COL4A5: variants seen among roughly 807,000 people sequenced by gnomAD.
COL4A5 encodes collagen type IV alpha 5 chain.
In COL4A5, 26 loss-of-function variants were observed where a neutral mutation model predicts 130.2. The observed-to-expected ratio is 0.20, with a 90% confidence interval of 0.15 to 0.28. COL4A5 has a LOEUF of 0.28. Ranked by LOEUF, COL4A5 falls within the 10% of genes least tolerant of loss-of-function variation. The pLI is 1.00. For missense variants in COL4A5, 1,131 were observed against 1,344.3 expected (o/e 0.84, Z 2.48); for synonymous variants, 496 against 439.6 (o/e 1.13, Z -1.60).
intron 1 of COL4A5, among the ~76,000 whole-genome samples, chrX:108,530,187 A>G (rs1385121948): frequency 1.8e-5 from 2 of 111,873 alleles, no homozygotes; most frequent in Non-Finnish European, 3.8e-5. Flanking sequence ...TAAAAATTGA[A>G]ATAATATCAG....
At chrX:108,577,680 T>C (rs966844567) in intron 10 of COL4A5, among the ~76,000 whole-genome samples, 11 of 111,241 alleles carry the variant, frequency 9.9e-5, no homozygotes, top group African/African-American at 3.6e-4. Flanking sequence ...AGATTAACTT[T>C]TGAATTGATT....
At chrX:108,450,546 T>G (rs2064498973) in intron 1 of COL4A5, among the ~76,000 whole-genome samples, 1 of 112,296 alleles carries the variant, frequency 8.9e-6, no homozygotes, top group Non-Finnish European at 1.9e-5. Flanking sequence ...AATTTGAGCT[T>G]TTCAAGTAAG....
chrX:108,592,158 GCAATAA>G (rs748027463), intron 21 of COL4A5, among the ~76,000 whole-genome samples: 27 of 111,576 alleles, frequency 2.4e-4, no homozygotes, highest in Non-Finnish European at 4.9e-4. Context: ...ACCAATTAAA[GCAATAA>G]CAAGAGAACT....
At chrX:108,608,341 A>G (rs2066770484) in intron 29 of COL4A5, among the ~76,000 whole-genome samples, 1 of 111,746 alleles carries the variant, frequency 8.9e-6, no homozygotes, top group Non-Finnish European at 1.9e-5. Flanking sequence ...TAACAGCTGT[A>G]TATCTACCAC....
At chrX:108,499,017 C>T (rs2065057059) in intron 1 of COL4A5, among the ~76,000 whole-genome samples, 1 of 110,881 alleles carries the variant, frequency 9.0e-6, no homozygotes, top group Non-Finnish European at 1.9e-5. Context: ...GGTGGATGAG[C>T]TCAATGGCAA....
At chrX:108,650,092 C>T (rs767853466) in intron 36 of COL4A5, among the ~76,000 whole-genome samples, 1 of 110,716 alleles carries the variant, frequency 9.0e-6, no homozygotes, top group African/African-American at 3.3e-5. Flanking sequence ...GAAACAATCC[C>T]ATCTAAAAGT....
At chrX:108,505,944 CCAT>C (rs1296730701) in intron 1 of COL4A5, among the ~76,000 whole-genome samples, 1 of 112,159 alleles carries the variant, frequency 8.9e-6, no homozygotes, top group African/African-American at 3.2e-5. Flanking sequence ...AACTGGTTCC[CCAT>C]CATCCTCTTA....
At chrX:108,486,529 T>TAC (rs1038049016) in intron 1 of COL4A5, among the ~76,000 whole-genome samples, 24 of 111,690 alleles carry the variant, frequency 2.1e-4, no homozygotes, top group Non-Finnish European at 3.0e-4. Context: ...CCGAGCAGTG[T>TAC]ACACTGTACT....
At chrX:108,473,633 A>ATTT (rs1203616884) in intron 1 of COL4A5, among the ~76,000 whole-genome samples, 22 of 34,548 alleles carry the variant, frequency 6.4e-4, no homozygotes, top group East Asian at 1.9e-3. Context: ...ATATATATAT[A>ATTT]TTTTTTTTTT....
chrX:108,571,877 A>T (rs986378173), intron 8 of COL4A5, 40 bp downstream of exon 8: 20 of 1,068,502 alleles, frequency 1.9e-5, no homozygotes, highest in Non-Finnish European at 2.2e-5. Context: ...TTTGAATAAA[A>T]TATTAGGAAA....
intron 2 of COL4A5, among the ~76,000 whole-genome samples, chrX:108,542,692 C>T (rs1165937796): frequency 4.8e-5 from 5 of 104,324 alleles, no homozygotes; most frequent in Non-Finnish European, 5.7e-5. Flanking sequence ...CACAGTCTTC[C>T]GCAATGGTTG....
At chrX:108,609,169 G>A in intron 29 of COL4A5, among the ~76,000 whole-genome samples, 1 of 111,721 alleles carries the variant, frequency 9.0e-6, no homozygotes. Context: ...AGATTTGTTG[G>A]ATCATAAGTG....
intron 1 of COL4A5, among the ~76,000 whole-genome samples, chrX:108,465,508 A>G (rs1325836294): frequency 8.9e-6 from 1 of 112,053 alleles, no homozygotes; most frequent in Non-Finnish European, 1.9e-5. Context: ...ACACACGTAT[A>G]TTATACACAC....
intron 52 of COL4A5, chrX:108,695,732 A>T: frequency 3.2e-6 from 1 of 309,389 alleles, no homozygotes; most frequent in Admixed American, 4.9e-5. Context: ...GTTCAACTAG[A>T]TTGAGACCAC....
intron 1 of COL4A5, among the ~76,000 whole-genome samples, chrX:108,464,448 A>G (rs928763193): frequency 2.1e-4 from 24 of 112,034 alleles, no homozygotes; most frequent in Non-Finnish European, 4.3e-4. Flanking sequence ...GTAAACAAGA[A>G]AGCAGGTTTA....
chrX:108,670,256 A>T lies in COL4A5; in HGVS notation c.3799+20A>T. On this transcript the variant is annotated intron_variant, in intron 42 of 52. Transcript: ENST00000328300. ...CTACAGGTTAGCTCCTTAACTCCAA[A>T]GTAGTAACTGCATGAAGTTTGAAAC... 8.3e-7 allele frequency: 1 copy of T among 1,210,372 alleles called. No individual in the cohort carries two copies. The highest frequency in any genetic ancestry group is 1.1e-6 in the Non-Finnish European group (1 of 894,691).
intron 1 of COL4A5, among the ~76,000 whole-genome samples, chrX:108,539,471 A>T (rs2065503581): frequency 1.8e-5 from 2 of 111,974 alleles, no homozygotes; most frequent in Admixed American, 9.5e-5. Context: ...ATTGAGAGAT[A>T]TCTCATTTTT....
intron 42 of COL4A5, among the ~76,000 whole-genome samples, chrX:108,671,048 A>T (rs1343279276): frequency 2.7e-5 from 3 of 111,112 alleles, no homozygotes; most frequent in Non-Finnish European, 5.7e-5. Flanking sequence ...AGAAAAAAAA[A>T]ATCAATGCAA....
intron 28 of COL4A5, among the ~76,000 whole-genome samples, chrX:108,603,792 G>T (rs1246931664): frequency 5.4e-5 from 6 of 112,111 alleles, no homozygotes; most frequent in Non-Finnish European, 9.4e-5. Context: ...CAAAATTGGA[G>T]TGAGTCTTCT....
Sources: allele counts gnomAD v4.1 joint callset (sites outside exome capture counted in the v4.1 genomes callset), GRCh38; gene constraint gnomAD v4.1.1; transcripts MANE v1.5; gene names NCBI Gene and HGNC (gene_info 2026-07-23, HGNC 2026-07-21).